KCNT2: variants seen among roughly 807,000 people sequenced by gnomAD.
The protein encoded by KCNT2 is potassium channel subfamily T member 2.
KCNT2 carries 67 observed loss-of-function variants against 153.8 expected under a neutral mutation model. The ratio of observed to expected loss-of-function variants is 0.44; its 90% CI spans 0.36 to 0.53. The LOEUF is 0.53. Ranked by LOEUF, KCNT2 falls within the 20% of genes least tolerant of loss-of-function variation. The pLI, the probability that KCNT2 is intolerant of heterozygous loss-of-function variation, is 0.00. For synonymous variants in KCNT2, 500 were observed against 458.8 expected (o/e 1.09, Z -1.15); for missense variants, 975 against 1,354.8 (o/e 0.72, Z 4.40).
intron 7 of KCNT2, among the ~76,000 whole-genome samples, chr1:196,465,694 T>C (rs1677553623): frequency 6.6e-6 from 1 of 151,920 alleles, no homozygotes; most frequent in Non-Finnish European, 1.5e-5. Flanking sequence ...CCCCTACATG[T>C]TAAGCATGAA....
chr1:196,295,523 G>A (rs1660597096), intron 22 of KCNT2, among the ~76,000 whole-genome samples: 2 of 151,186 alleles, frequency 1.3e-5, no homozygotes, highest in Non-Finnish European at 3.0e-5. Flanking sequence ...TGGAGAATTC[G>A]AACCACTCAA....
intron 1 of KCNT2, among the ~76,000 whole-genome samples, chr1:196,507,399 G>T (rs1005703235): frequency 6.6e-6 from 1 of 152,150 alleles, no homozygotes; most frequent in African/African-American, 2.4e-5. Flanking sequence ...TGAAGGAAAA[G>T]ACATTAATGT....
intron 8 of KCNT2, among the ~76,000 whole-genome samples, chr1:196,454,529 G>A (rs571115468): frequency 6.6e-6 from 1 of 151,938 alleles, no homozygotes; most frequent in South Asian, 2.1e-4. Context: ...CATCTGTGTT[G>A]CTGCAAAAGA....
chr1:196,258,321 G>C lies in KCNT2; in HGVS notation c.3084C>G (p.His1028Gln). The C allele has an allele frequency of 6.2e-7, 1 of 1,614,034 alleles. No homozygotes were observed. The highest frequency in any genetic ancestry group is 8.5e-7 in the Non-Finnish European group (1 of 1,179,968). Residue 1028 changes from histidine (H) to glutamine (Q), a missense_variant, in exon 26 of 28, where the codon CAC becomes CAG. His to Gln is a conservative substitution (Grantham distance 24). Transcript: ENST00000294725. ...ARRLSRKGPK[H>Q]SGKTAEKITQ... ...TTATTTTTTCAGCTGTTTTACCAGA[G>C]TGTTTTGGGCCTTTTCTGCTCAGTC...
In KCNT2 at chr1:196,593,980, A is replaced by G. The variant is rs1663737954; in HGVS notation, c.95+14235T>C. Among the ~76,000 whole-genome samples, 4 of 152,100 alleles carry G rather than the reference A, an allele frequency of 2.6e-5. No homozygotes were observed. The South Asian group carries it at 8.3e-4, about 32-fold the overall frequency. On this transcript the variant is annotated intron_variant, in intron 1 of 27. Coordinates refer to ENST00000294725, the MANE Select transcript of KCNT2 (RefSeq NM_198503.5). ...AGGAAAAGAAAAAGATTTTTACAGA[A>G]GACCAACACACACACACACATACAC...
In KCNT2 at chr1:196,236,498, A is replaced by G. The variant is rs554520508; in HGVS notation, c.3212-428T>C. ...TTGGGAAAAATAATATAATTACATT[A>G]TGTTTAGAAAACATGCTAGAAATGT... On this transcript the variant is annotated intron_variant, in intron 26 of 27. Coordinates refer to ENST00000294725, the MANE Select transcript of KCNT2 (RefSeq NM_198503.5). 5.3e-5 allele frequency among the ~76,000 whole-genome samples: 8 copies of G among 151,626 alleles called. No individual in the cohort carries two copies. The South Asian group carries it at 1.7e-3, about 31-fold the overall frequency.
chr1:196,486,774 A>C (rs950381028), intron 3 of KCNT2, among the ~76,000 whole-genome samples: 4 of 151,930 alleles, frequency 2.6e-5, no homozygotes, highest in African/African-American at 9.7e-5. Flanking sequence ...CAGGAGGGTA[A>C]ATTATACAAC....
chr1:196,427,150 A>T (rs1205935263), intron 10 of KCNT2, among the ~76,000 whole-genome samples: 2 of 152,048 alleles, frequency 1.3e-5, no homozygotes, highest in South Asian at 2.1e-4. Context: ...ATAAATAATT[A>T]AAAAAACAAG....
intron 1 of KCNT2, among the ~76,000 whole-genome samples, chr1:196,527,776 A>T (rs1014457027): frequency 6.6e-6 from 1 of 152,216 alleles, no homozygotes; most frequent in Non-Finnish European, 1.5e-5. Context: ...TTGCTGGTGC[A>T]CAAGAAGGAA....
At chr1:196,483,980 C>T (rs1295096269) in intron 3 of KCNT2, among the ~76,000 whole-genome samples, 1 of 151,956 alleles carries the variant, frequency 6.6e-6, no homozygotes, top group Non-Finnish European at 1.5e-5. Context: ...TTTTTATATT[C>T]TGAGTAACAT....
At chr1:196,506,386 T>C (rs1681146571) in intron 1 of KCNT2, among the ~76,000 whole-genome samples, 1 of 152,120 alleles carries the variant, frequency 6.6e-6, no homozygotes, top group Non-Finnish European at 1.5e-5. Flanking sequence ...AAAACTGTGG[T>C]TCATCTATTT....
At chr1:196,381,765 A>G (rs1669510944) in intron 13 of KCNT2, among the ~76,000 whole-genome samples, 1 of 152,108 alleles carries the variant, frequency 6.6e-6, no homozygotes, top group South Asian at 2.1e-4. Context: ...CTGATGACTG[A>G]GAAAACACAA....
chr1:196,232,356 A>C (rs989111993), intron 27 of KCNT2, among the ~76,000 whole-genome samples: 5 of 151,816 alleles, frequency 3.3e-5, no homozygotes, highest in Non-Finnish European at 7.4e-5. Flanking sequence ...AAAAGATAAC[A>C]GTATAATCCA....
chr1:196,455,438 T>C (rs1676578165), intron 8 of KCNT2, among the ~76,000 whole-genome samples: 3 of 151,976 alleles, frequency 2.0e-5, no homozygotes, highest in Admixed American at 2.0e-4. Flanking sequence ...TGAAGTAATT[T>C]TAGCACTATA....
chr1:196,304,478 C>T (rs867915283), intron 22 of KCNT2, among the ~76,000 whole-genome samples: 1 of 152,076 alleles, frequency 6.6e-6, no homozygotes, highest in Admixed American at 6.6e-5. Context: ...CTCAGCTTCC[C>T]AGGTCACTCT....
chr1:196,238,806 T>A (rs1467382625), intron 26 of KCNT2, among the ~76,000 whole-genome samples: 2 of 152,098 alleles, frequency 1.3e-5, no homozygotes, highest in South Asian at 4.1e-4. Context: ...GCTGTGTACA[T>A]GTACCCGAGA....
At chr1:196,272,992 A>G (rs1658210809) in intron 25 of KCNT2, among the ~76,000 whole-genome samples, 1 of 151,876 alleles carries the variant, frequency 6.6e-6, no homozygotes, top group African/African-American at 2.4e-5. Context: ...TATTAAGAAT[A>G]TTTACATACA....
intron 10 of KCNT2, 44 bp downstream of exon 10, chr1:196,428,061 A>G (rs1412281196): frequency 6.9e-7 from 1 of 1,453,864 alleles, no homozygotes; most frequent in Non-Finnish European, 9.6e-7. Flanking sequence ...ACAATATGTT[A>G]GTAGGTATGA....
intron 26 of KCNT2, among the ~76,000 whole-genome samples, chr1:196,240,955 A>G (rs1654896358): frequency 6.6e-6 from 1 of 152,018 alleles, no homozygotes; most frequent in South Asian, 2.1e-4. Context: ...CATGTGAGAG[A>G]TATTGGTAGC....
Sources: gnomAD v4.1 joint callset for allele counts (sites outside exome capture counted in the v4.1 genomes callset) on GRCh38, gnomAD v4.1.1 for gene constraint, MANE v1.5 for transcripts, NCBI Gene and HGNC (gene_info 2026-07-23, HGNC 2026-07-21) for gene names.